MPO: variants seen among roughly 807,000 people sequenced by gnomAD.
MPO encodes myeloperoxidase.
In MPO, 57 loss-of-function variants were observed where a neutral mutation model predicts 69.4. That is an observed-to-expected ratio of 0.82 (90% CI 0.66 to 1.02). MPO has a LOEUF of 1.02. MPO is among the 50% of genes least tolerant of loss of function. The pLI is 0.00. For missense variants in MPO, 971 were observed against 1,014.1 expected (o/e 0.96, Z 0.58); for synonymous variants, 426 against 417.1 (o/e 1.02, Z -0.26).
In MPO at chr17:58,271,907, G is replaced by A. The variant is rs1249419000; in HGVS notation, c.1793-15C>T. On this transcript the variant is annotated splice_polypyrimidine_tract_variant and intron_variant, in intron 10 of 11. Coordinates refer to ENST00000225275, the MANE Select transcript of MPO (RefSeq NM_000250.2). ...GGCATTGTATCCTGCATGGGGGAGG[G>A]GACAGGTGGCTATGGGCAGGTCTCT... 6.2e-7 allele frequency: 1 copy of A among 1,613,000 alleles called. No individual in the cohort carries two copies. Among genetic ancestry groups the A allele is most frequent in the Non-Finnish European group, 8.5e-7 (1 of 1,179,452 alleles).
At chr17:58,273,114 C>T (rs1038102422) in intron 9 of MPO, among the ~76,000 whole-genome samples, 196 bp from the exon 10 acceptor site, 1 of 152,024 alleles carries the variant, frequency 6.6e-6, no homozygotes, top group African/African-American at 2.4e-5. Flanking sequence ...ACATATAGGT[C>T]TCAGGAGATT....
intron 8 of MPO, chr17:58,274,173 C>T (rs1442215355): frequency 2.0e-5 from 10 of 500,614 alleles, no homozygotes; most frequent in African/African-American, 5.8e-5. Flanking sequence ...CAGGAAGGAA[C>T]GAAGGGCCAT....
Position 58,270,476 on chromosome 17 carries a change from C to T in MPO, c.*180G>A, listed in dbSNP as rs1598038279. 9.2e-6 allele frequency: 6 copies of T among 654,322 alleles called. 1 individual carries two copies. The highest frequency in any genetic ancestry group is 1.7e-5 in the South Asian group (1 of 60,078). 40.5% of individuals were successfully genotyped at this position (654,322 alleles called of 1,614,324 possible). On this transcript the variant is annotated 3_prime_UTR_variant, in exon 12 of 12. Transcript: ENST00000225275. The surrounding 1 kb of genome is among the most constrained non-coding windows in gnomAD (Gnocchi z 4.1). Reference sequence around the variant, plus strand: ...ACTCCCCATGTTCAGACAACACACACGCATGAAAAGCCAATTTATATACTT... The same window carrying T: ...ACTCCCCATGTTCAGACAACACACATGCATGAAAAGCCAATTTATATACTT...
Position 58,275,571 on chromosome 17 carries a change from C to A in MPO, c.1336G>T (p.Ala446Ser). ...ACCATGGCCCCCACGATCTTCCGGG[C>A]TTCCTGGTAGAGCCTCTCCCCATCC... Reference protein sequence around the residue: ...RWDGERLYQEARKIVGAMVQI... With the variant: ...RWDGERLYQESRKIVGAMVQI... Residue 446 changes from alanine to serine, a missense_variant, in exon 8 of 12, where the codon GCC becomes TCC. Ala to Ser is a moderately conservative substitution (Grantham distance 99, BLOSUM62 1). Transcript: ENST00000225275. The surrounding 1 kb of genome is among the most constrained non-coding windows in gnomAD (Gnocchi z 4.1). 6.2e-7 allele frequency: 1 copy of A among 1,614,150 alleles called. No individual in the cohort carries two copies. Among genetic ancestry groups the A allele is most frequent in the African/African-American group, 1.3e-5 (1 of 75,044 alleles).
chr17:58,273,783 C>A, intron 8 of MPO, 114 bp from the exon 9 acceptor site: 1 of 1,457,946 alleles, frequency 6.9e-7, no homozygotes, highest in South Asian at 1.2e-5. Flanking sequence ...GGACCCCTTC[C>A]ATCCCTCTAT....
Position 58,271,739 on chromosome 17 carries a change from T to C in MPO, c.1946A>G (p.Glu649Gly). Residue 649 changes from glutamate (E) to glycine (G), a missense_variant, in exon 11 of 12, where the codon GAG becomes GGG. Transcript: ENST00000225275. ...CACGCGGCCTTTGCGCTTCAGAGGC[T>C]CGGACACGCCGCCCATCCAGATGTC... ...NIDIWMGGVS[E>G]PLKRKGRVGP... is the part of the protein sequence containing the mutation. The C allele has an allele frequency of 6.2e-7, 1 of 1,613,914 alleles. No individual in the cohort carries two copies. Among genetic ancestry groups the C allele is most frequent in the Non-Finnish European group, 8.5e-7 (1 of 1,180,034 alleles).
At chr17:58,280,065 C>T in intron 2 of MPO, 51 bp from the exon 3 acceptor site, 1 of 1,605,184 alleles carries the variant, frequency 6.2e-7, no homozygotes. Context: ...CAGACCCACC[C>T]AGCAGAGCCC....
In MPO at chr17:58,270,803, G is replaced by A. The variant is rs1454373028; in HGVS notation, c.2091C>T (p.Ile697=). 2.5e-6 allele frequency: 4 copies of A among 1,613,958 alleles called. No homozygotes were observed. Among genetic ancestry groups the A allele is most frequent in the Admixed American group, 3.3e-5 (2 of 60,010 alleles). Reference sequence around the variant, plus strand: ...TGTCGCAGATGATCCGGGGCAATGAGATCTGGGCCAGGGCCTGTCGCTGCT... The same window carrying A: ...TGTCGCAGATGATCCGGGGCAATGAAATCTGGGCCAGGGCCTGTCGCTGCT... The part of the protein sequence containing the change: ...SMQQRQALAQ[I]SLPRIICDNT... The change falls in exon 12 of 12, where the codon ATC becomes ATT. Residue 697 remains isoleucine, a synonymous_variant. Transcript: ENST00000225275. This position sits in a 1 kb window ranked among gnomAD's most constrained non-coding sequence, Gnocchi z 4.1.
chr17:58,272,235 C>T (rs1324200118), intron 10 of MPO, among the ~76,000 whole-genome samples: 3 of 152,218 alleles, frequency 2.0e-5, no homozygotes, highest in Admixed American at 6.5e-5. Context: ...CTGTCTCTGA[C>T]CCATGAGAGG....
At chr17:58,272,638 A>C (rs968278906) in intron 10 of MPO, 110 bp downstream of exon 10, 1 of 1,304,942 alleles carries the variant, frequency 7.7e-7, no homozygotes, top group Admixed American at 2.1e-5. Flanking sequence ...AAGTGCCTCT[A>C]ATATGCTTTG....
Position 58,274,353 on chromosome 17 carries a change from TG to T in MPO, c.1366-685del. On this transcript the variant is annotated intron_variant, in intron 8 of 11. Coordinates refer to ENST00000225275, the MANE Select transcript of MPO (RefSeq NM_000250.2). Reference sequence around the variant, plus strand: ...CTCTCCTCCAGAATCTAGGAGTGTGTGTGTGTGTGTGTGTGTGTGTGTGTGT... The same window carrying T: ...CTCTCCTCCAGAATCTAGGAGTGTGTTGTGTGTGTGTGTGTGTGTGTGTGT... 14 of 255,854 alleles carry T rather than the reference TG, an allele frequency of 5.5e-5. 1 individual carries two copies. The highest frequency in any genetic ancestry group is 3.5e-4 in the South Asian group (14 of 39,938). 15.8% of individuals were successfully genotyped at this position (255,854 alleles called of 1,614,324 possible).
At chr17:58,274,237 A>G in intron 8 of MPO, 1 of 483,252 alleles carries the variant, frequency 2.1e-6, no homozygotes, top group East Asian at 5.8e-5. Context: ...CTCACTCTAC[A>G]TTCTAGAGTC....
Position 58,271,793 on chromosome 17 carries a change from A to G in MPO, c.1892T>C (p.Met631Thr), listed in dbSNP as rs765418099. The change falls in exon 11 of 12, where the codon ATG (methionine) becomes ACG (threonine). Residue 631 changes from methionine (M) to threonine (T), a missense_variant. Coordinates refer to ENST00000225275, the MANE Select transcript of MPO (RefSeq NM_000250.2). The part of the protein sequence containing the change: ...LRNLKLARKL[M>T]EQYGTPNNID... ...GTTGTTGGGCGTGCCATACTGCTCC[A>G]TCAGTTTCCTCGCCAATTTCAGGTT... 6.2e-7 allele frequency: 1 copy of G among 1,614,160 alleles called. No individual in the cohort carries two copies. The highest frequency in any genetic ancestry group is 1.7e-5 in the Admixed American group (1 of 60,024).
rs368505308 is a variant in MPO, at chr17:58,271,750, G to A, written c.1935C>T (p.Gly645=). The A allele has an allele frequency of 1.9e-5, 31 of 1,613,716 alleles. No individual in the cohort carries two copies. Among genetic ancestry groups the A allele is most frequent in the Non-Finnish European group, 2.5e-5 (29 of 1,180,024 alleles). Residue 645 remains glycine (G), a synonymous_variant, in exon 11 of 12, where the codon GGC becomes GGT. Coordinates refer to ENST00000225275, the MANE Select transcript of MPO (RefSeq NM_000250.2). ...TGCGCTTCAGAGGCTCGGACACGCC[G>A]CCCATCCAGATGTCGATGTTGTTGG... is the stretch of plus-strand genomic sequence containing the variant. ...GTPNNIDIWM[G]GVSEPLKRKG...
In MPO at chr17:58,279,278, T is replaced by C. The variant is rs1292277948; in HGVS notation, c.678+19A>G. On this transcript the variant is annotated intron_variant, in intron 5 of 11. Coordinates refer to ENST00000225275, the MANE Select transcript of MPO (RefSeq NM_000250.2). ...CACCGCGTGGCCGGGCCTCGCCCCC[T>C]CTGCCCGCCGGCGCTCACCAGAGCC... The C allele has an allele frequency of 5.8e-6, 9 of 1,562,528 alleles. No homozygotes were observed. The highest frequency in any genetic ancestry group is 1.2e-5 in the South Asian group (1 of 85,858).
Position 58,278,051 on chromosome 17 carries a change from C to A in MPO, c.980G>T (p.Arg327Leu), listed in dbSNP as rs760619802. 6.2e-7 allele frequency: 1 copy of A among 1,613,250 alleles called. No homozygotes were observed. The highest frequency in any genetic ancestry group is 1.7e-5 in the Admixed American group (1 of 60,022). ...PACPGSNITI[R>L]NQINALTSFV... Reference sequence around the variant, plus strand: ...GGAAGTGAGCGCGTTGATCTGGTTGCGGATGGTGATGTTGCTCCCGGGGCA... The same window carrying A: ...GGAAGTGAGCGCGTTGATCTGGTTGAGGATGGTGATGTTGCTCCCGGGGCA... Residue 327 changes from arginine to leucine, a missense_variant, in exon 7 of 12, where the codon CGC becomes CTC. Coordinates refer to ENST00000225275, the MANE Select transcript of MPO (RefSeq NM_000250.2).
intron 2 of MPO, 164 bp downstream of exon 2, chr17:58,280,202 A>C (rs1416777348): frequency 3.0e-6 from 3 of 1,010,460 alleles, no homozygotes. Flanking sequence ...GATGGCTTTT[A>C]AGCTGTTCTC....
chr17:58,272,977 T>C, intron 9 of MPO, 59 bp from the exon 10 acceptor site: 3 of 1,599,804 alleles, frequency 1.9e-6, no homozygotes, highest in Non-Finnish European at 2.6e-6. Context: ...GAGCTCAGAT[T>C]GGAGTCAGGG....
At chr17:58,276,728 G>A (rs1053391603) in intron 7 of MPO, among the ~76,000 whole-genome samples, 4 of 152,210 alleles carry the variant, frequency 2.6e-5, no homozygotes, top group African/African-American at 9.7e-5. Context: ...GTCCCAGCCA[G>A]GGAGAGACCA....
Sources: gnomAD v4.1 joint callset for allele counts (sites outside exome capture counted in the v4.1 genomes callset) on GRCh38, gnomAD v4.1.1 for gene constraint, Gnocchi (gnomAD v3.1) non-coding constraint, MANE v1.5 for transcripts, NCBI Gene and HGNC (gene_info 2026-07-23, HGNC 2026-07-21) for gene names.